Variants in TRDN observed in about 807,000 individuals in gnomAD.
TRDN encodes the protein triadin.
A neutral mutation model predicts 149.7 loss-of-function variants in TRDN; 161 were observed. That is an observed-to-expected ratio of 1.08 (90% confidence interval 0.95 to 1.23). TRDN has a LOEUF of 1.23. Ranked by LOEUF, TRDN falls within the 50% of genes most tolerant of loss-of-function variation. TRDN has a pLI of 0.00. For synonymous variants in TRDN, 294 were observed against 250.5 expected (o/e 1.17, Z -1.64); for missense variants, 896 against 823.5 (o/e 1.09, Z -1.08).
At chr6:123,587,428 T>C (rs572384025) in intron 1 of TRDN, among the ~76,000 whole-genome samples, 59 of 151,580 alleles carry the variant, frequency 3.9e-4, no homozygotes, top group African/African-American at 1.3e-3. Flanking sequence ...GTGAGAGAGG[T>C]TGGAGAAGAG....
chr6:123,317,906 G>A (rs9375243), intron 23 of TRDN, among the ~76,000 whole-genome samples: 27,507 of 151,830 alleles, frequency 0.18, 3,360 homozygotes, highest in East Asian at 0.6. Flanking sequence ...TTATGACTCT[G>A]CAACTAGAGA....
chr6:123,245,507 C>T (rs1185540250), intron 38 of TRDN, among the ~76,000 whole-genome samples: 1 of 152,094 alleles, frequency 6.6e-6, no homozygotes, highest in African/African-American at 2.4e-5. Flanking sequence ...GAGGGCATTA[C>T]ATAATGGTAA....
At chr6:123,468,182 A>G (rs574837004) in intron 9 of TRDN, among the ~76,000 whole-genome samples, 16 of 152,310 alleles carry the variant, frequency 1.1e-4, no homozygotes, top group Non-Finnish European at 1.9e-4. Flanking sequence ...AAATAGCAGA[A>G]CTCATTTGTA....
intron 1 of TRDN, among the ~76,000 whole-genome samples, chr6:123,602,358 A>G (rs546391111): frequency 3.3e-5 from 5 of 152,206 alleles, no homozygotes; most frequent in African/African-American, 1.2e-4. Flanking sequence ...GTTCTCACTT[A>G]TAAGTGAGAG....
At chr6:123,597,692 T>C (rs1348501918) in intron 1 of TRDN, among the ~76,000 whole-genome samples, 5 of 152,118 alleles carry the variant, frequency 3.3e-5, no homozygotes, top group Admixed American at 2.0e-4. Context: ...CAAGACACTT[T>C]ACCAGCAAAA....
intron 23 of TRDN, among the ~76,000 whole-genome samples, chr6:123,326,169 G>T (rs1312304977): frequency 1.3e-5 from 2 of 152,020 alleles, no homozygotes; most frequent in Non-Finnish European, 2.9e-5. Flanking sequence ...CTTTCCATAA[G>T]AAATCGCACC....
intron 24 of TRDN, among the ~76,000 whole-genome samples, chr6:123,283,144 G>T (rs1399759747): frequency 1.3e-5 from 2 of 151,828 alleles, no homozygotes; most frequent in South Asian, 4.2e-4. Context: ...AATAAAATTA[G>T]AATTCAATTC....
chr6:123,632,987 T>C (rs1222500425), intron 1 of TRDN, among the ~76,000 whole-genome samples: 3 of 152,020 alleles, frequency 2.0e-5, no homozygotes, highest in African/African-American at 7.2e-5. Context: ...ATAGGTTTGA[T>C]TGTTACAGAA....
chr6:123,267,595 A>G (rs1030226683), intron 32 of TRDN, 112 bp downstream of exon 32: 1 of 692,294 alleles, frequency 1.4e-6, no homozygotes, highest in Non-Finnish European at 2.3e-6. Context: ...ACCACAGGAC[A>G]ACACATTACC....
rs1442653047 is a variant in TRDN, at chr6:123,279,163, AT to A, written c.1511-82del. On this transcript the variant is annotated intron_variant, in intron 24 of 40. Transcript: ENST00000334268. ...AACATTATTGAATATGATATAATAT[AT>A]TTGAAAATAAAAATGAAACAATGTA... 9 of 1,145,124 alleles carry A rather than the reference AT, an allele frequency of 7.9e-6. No homozygotes were observed. In the African/African-American group the frequency reaches 1.4e-4, roughly 18 times the overall value. 70.9% of individuals were successfully genotyped at this position (1,145,124 alleles called of 1,614,324 possible).
chr6:123,368,024 A>G (rs545992133), intron 19 of TRDN, among the ~76,000 whole-genome samples: 1 of 152,242 alleles, frequency 6.6e-6, no homozygotes, highest in East Asian at 1.9e-4. Flanking sequence ...TCACTCCTGT[A>G]TCTTCAGCCT....
intron 1 of TRDN, among the ~76,000 whole-genome samples, chr6:123,618,809 C>CT (rs2114703665): frequency 6.6e-6 from 1 of 152,260 alleles, no homozygotes; most frequent in Non-Finnish European, 1.5e-5. Flanking sequence ...TGAGAATCTG[C>CT]TTTTTTCTCT....
In TRDN at chr6:123,357,045, A is replaced by C. The variant is rs151235355; in HGVS notation, c.1322-4459T>G. Among the ~76,000 whole-genome samples the C allele has an allele frequency of 8.6e-3, 1,310 of 151,548 alleles. 21 individuals carry two copies. The highest frequency in any genetic ancestry group is 0.03 in the African/African-American group (1,240 of 41,462). On this transcript the variant is annotated intron_variant, in intron 20 of 40. Transcript: ENST00000334268. ...TAATTTTATGAATTAAAAAATATTG[A>C]CTTCTTAGCTATCTTTTATTCCGCC...
At chr6:123,627,179 C>A (rs924285129) in intron 1 of TRDN, among the ~76,000 whole-genome samples, 1 of 152,084 alleles carries the variant, frequency 6.6e-6, no homozygotes, top group African/African-American at 2.4e-5. Context: ...ATCCACCCAC[C>A]TTGGCCTCCA....
At chr6:123,264,575 A>G (rs1331715078) in intron 33 of TRDN, among the ~76,000 whole-genome samples, 1 of 152,126 alleles carries the variant, frequency 6.6e-6, no homozygotes, top group African/African-American at 2.4e-5. Context: ...TTGATAAAGC[A>G]GAAGCCAAGT....
chr6:123,467,067 A>T (rs1374330547), intron 9 of TRDN, among the ~76,000 whole-genome samples: 1 of 152,106 alleles, frequency 6.6e-6, no homozygotes, highest in South Asian at 2.1e-4. Context: ...TTTATTGCAT[A>T]CTTATTATAT....
At chr6:123,542,467 A>G (rs1583215189) in intron 4 of TRDN, among the ~76,000 whole-genome samples, 1 of 152,334 alleles carries the variant, frequency 6.6e-6, no homozygotes, top group African/African-American at 2.4e-5. Context: ...GCTAGATGTC[A>G]GGAAAAGACA....
chr6:123,525,823 T>G (rs1163120306), intron 5 of TRDN, among the ~76,000 whole-genome samples: 1 of 152,098 alleles, frequency 6.6e-6, no homozygotes, highest in Non-Finnish European at 1.5e-5. Flanking sequence ...GACTCCACGA[T>G]GCTGTTTAAG....
intron 9 of TRDN, among the ~76,000 whole-genome samples, chr6:123,477,695 T>C (rs1331554184): frequency 6.6e-6 from 1 of 151,914 alleles, no homozygotes; most frequent in African/African-American, 2.4e-5. Flanking sequence ...ATTAAGAAAA[T>C]GTGGCACATA....
Sources: allele counts gnomAD v4.1 joint callset (sites outside exome capture counted in the v4.1 genomes callset), GRCh38; gene constraint gnomAD v4.1.1; transcripts MANE v1.5; gene names NCBI Gene and HGNC (gene_info 2026-07-23, HGNC 2026-07-21).